XPO7: variants seen among roughly 807,000 people sequenced by gnomAD.
XPO7 encodes the protein exportin-7.
Under a neutral mutation model 144.3 loss-of-function variants are expected in XPO7, and 21 were observed. The ratio of observed to expected loss-of-function variants is 0.15; its 90% CI spans 0.10 to 0.21. The LOEUF is 0.21. Ranked by LOEUF, XPO7 falls within the 10% of genes least tolerant of loss-of-function variation. The pLI is 1.00. For synonymous variants in XPO7, 580 were observed against 499.6 expected (o/e 1.16, Z -2.15); for missense variants, 808 against 1,325.8 (o/e 0.61, Z 6.06).
chr8:21,957,063 T>C lies in XPO7; in HGVS notation c.19-9794T>C, dbSNP rs117580531. On this transcript the variant is annotated intron_variant, in intron 1 of 27. Transcript: ENST00000252512. ...TGCCATTTGTGGAGTAACCTGCATA[T>C]TAGTGTATCTGCAACTTTTTGCTTT... 5.4e-3 allele frequency among the ~76,000 whole-genome samples: 824 copies of C among 152,206 alleles called. 8 individuals are homozygous for C. Among genetic ancestry groups the C allele is most frequent in the Middle Eastern group, 0.041 (12 of 294 alleles).
chr8:21,970,747 T>G (rs1812029931), intron 4 of XPO7, among the ~76,000 whole-genome samples: 1 of 152,192 alleles, frequency 6.6e-6, no homozygotes, highest in Non-Finnish European at 1.5e-5. Flanking sequence ...ATGATGATGT[T>G]TTCGTCAACA....
At chr8:21,980,001 T>A in intron 8 of XPO7, 83 bp from the exon 9 acceptor site, 1 of 1,387,354 alleles carries the variant, frequency 7.2e-7, no homozygotes, top group Non-Finnish European at 9.5e-7. Flanking sequence ...TAAAGAAGGA[T>A]ATTGTAGGAG....
chr8:21,998,227 G>T (rs1051120465), intron 21 of XPO7, among the ~76,000 whole-genome samples: 6 of 152,136 alleles, frequency 3.9e-5, no homozygotes, highest in Non-Finnish European at 8.8e-5. Flanking sequence ...GGATCACGAG[G>T]TCAGGAGATC....
At chr8:21,995,887 T>A (rs964321913) in intron 21 of XPO7, among the ~76,000 whole-genome samples, 7 of 152,124 alleles carry the variant, frequency 4.6e-5, no homozygotes, top group African/African-American at 1.7e-4. Flanking sequence ...CAGTCTCGGC[T>A]CACTGCAAGC....
At chr8:21,920,308 C>T (rs1217789766) in intron 1 of XPO7, among the ~76,000 whole-genome samples, 4 of 152,126 alleles carry the variant, frequency 2.6e-5, no homozygotes, top group Admixed American at 1.3e-4. Context: ...CCAGCAACCC[C>T]GGCCTCCTTC....
At chr8:21,948,775 A>C (rs2117284626) in intron 1 of XPO7, among the ~76,000 whole-genome samples, 1 of 152,310 alleles carries the variant, frequency 6.6e-6, no homozygotes, top group African/African-American at 2.4e-5. Context: ...TCTATGCCAG[A>C]ATCTTCCTGA....
At chr8:21,960,432 A>G (rs1811687694) in intron 1 of XPO7, among the ~76,000 whole-genome samples, 1 of 152,254 alleles carries the variant, frequency 6.6e-6, no homozygotes, top group African/African-American at 2.4e-5. Context: ...TTAAACTTAA[A>G]AGTCAATAAA....
intron 1 of XPO7, among the ~76,000 whole-genome samples, chr8:21,960,284 C>T (rs186667310): frequency 5.3e-5 from 8 of 152,208 alleles, no homozygotes; most frequent in Non-Finnish European, 1.2e-4. Context: ...ACTGTGGGCC[C>T]GTTTCAGGGC....
At chr8:21,968,733 T>A (rs985673996) in intron 2 of XPO7, among the ~76,000 whole-genome samples, 1 of 152,240 alleles carries the variant, frequency 6.6e-6, no homozygotes, top group Non-Finnish European at 1.5e-5. Flanking sequence ...TAAAATACTT[T>A]AATGCTTCTG....
intron 3 of XPO7, 111 bp from the exon 4 acceptor site, chr8:21,970,033 A>G: frequency 8.1e-7 from 1 of 1,230,346 alleles, no homozygotes; most frequent in Middle Eastern, 2.4e-4. Flanking sequence ...TGGGTTAAAT[A>G]GTCTAAATTT....
intron 27 of XPO7, among the ~76,000 whole-genome samples, 190 bp downstream of exon 27, chr8:22,004,220 G>C (rs983930173): frequency 5.9e-5 from 9 of 152,156 alleles, no homozygotes; most frequent in African/African-American, 2.2e-4. Flanking sequence ...TTAACCCATT[G>C]TATCTAAAAT....
intron 5 of XPO7, among the ~76,000 whole-genome samples, chr8:21,973,676 G>A (rs953655082): frequency 3.9e-5 from 6 of 152,172 alleles, no homozygotes; most frequent in African/African-American, 1.2e-4. Context: ...TGGATGAATT[G>A]ATCAGTAAAC....
intron 16 of XPO7, among the ~76,000 whole-genome samples, chr8:21,989,685 TAGGC>T (rs1812695193): frequency 6.6e-6 from 1 of 152,230 alleles, no homozygotes; most frequent in Admixed American, 6.5e-5. Context: ...ATATGCCTCT[TAGGC>T]AGGAGTTTAG....
At chr8:21,968,394 G>A (rs1186966049) in intron 2 of XPO7, among the ~76,000 whole-genome samples, 1 of 152,154 alleles carries the variant, frequency 6.6e-6, no homozygotes, top group African/African-American at 2.4e-5. Flanking sequence ...GTAGCTGAGG[G>A]GTATAACTTT....
intron 1 of XPO7, among the ~76,000 whole-genome samples, chr8:21,940,324 A>C (rs920969594): frequency 6.6e-6 from 1 of 152,208 alleles, no homozygotes; most frequent in Non-Finnish European, 1.5e-5. Context: ...TGAGTAATAA[A>C]ATGTTAAGTG....
chr8:21,986,190 T>C (rs1812573862), intron 13 of XPO7, among the ~76,000 whole-genome samples: 1 of 150,002 alleles, frequency 6.7e-6, no homozygotes, highest in Admixed American at 6.7e-5. Context: ...CAGGCCAGAG[T>C]GCAGTGGCGC....
At chr8:21,990,532 C>A in intron 17 of XPO7, 125 bp downstream of exon 17, 1 of 1,079,538 alleles carries the variant, frequency 9.3e-7, no homozygotes, top group Admixed American at 1.9e-5. Context: ...GGTCCTGATT[C>A]CCACGATACT....
chr8:21,978,859 C>T (rs191102379), intron 8 of XPO7, among the ~76,000 whole-genome samples: 1 of 152,294 alleles, frequency 6.6e-6, no homozygotes, highest in Admixed American at 6.5e-5. Flanking sequence ...CCTCTAATCT[C>T]CTGCTGGTAC....
Position 21,999,087 on chromosome 8 carries a change from T to G in XPO7, c.2429-4T>G. ...GAATAAACATATATGACATGTCTAC[T>G]CAGGCAATCGCATCCTGACACTAGG... On this transcript the variant is annotated splice_polypyrimidine_tract_variant and splice_region_variant and intron_variant, in intron 22 of 27. Transcript: ENST00000252512. 1 of 1,613,984 alleles carries G rather than the reference T, an allele frequency of 6.2e-7. No homozygotes were observed. The highest frequency in any genetic ancestry group is 8.5e-7 in the Non-Finnish European group (1 of 1,179,880).
Sources: allele counts gnomAD v4.1 joint callset (sites outside exome capture counted in the v4.1 genomes callset), GRCh38; gene constraint gnomAD v4.1.1; transcripts MANE v1.5; gene names NCBI Gene and HGNC (gene_info 2026-07-23, HGNC 2026-07-21).